The following RASSF9 variants were observed in gnomAD, a reference collection of about 807,000 sequenced individuals.
The protein encoded by RASSF9 is Ras association domain family member 9, also known as ras association domain-containing protein 9.
RASSF9 carries 18 observed loss-of-function variants against 21.4 expected under a neutral mutation model. That is an observed-to-expected ratio of 0.84 (90% CI 0.58 to 1.25). The LOEUF (loss-of-function observed/expected upper bound fraction) is 1.25. RASSF9 is among the 50% of genes most tolerant of loss of function. RASSF9 has a pLI of 0.00. For missense variants in RASSF9, 480 were observed against 503.2 expected (o/e 0.95, Z 0.44); for synonymous variants, 183 against 179.1 (o/e 1.02, Z -0.18).
At chr12:85,822,903 C>T (rs1880246325) in intron 1 of RASSF9, among the ~76,000 whole-genome samples, 1 of 152,092 alleles carries the variant, frequency 6.6e-6, no homozygotes, top group Non-Finnish European at 1.5e-5. Flanking sequence ...CAGCCCACCA[C>T]AAAATGTCTA....
intron 1 of RASSF9, among the ~76,000 whole-genome samples, chr12:85,809,610 G>C (rs1212466945): frequency 6.6e-6 from 1 of 151,766 alleles, no homozygotes; most frequent in Non-Finnish European, 1.5e-5. Context: ...CTACACTAGA[G>C]CTCTGAAGGA....
intron 1 of RASSF9, among the ~76,000 whole-genome samples, chr12:85,817,079 T>A (rs61930068): frequency 6.6e-6 from 1 of 152,178 alleles, no homozygotes; most frequent in African/African-American, 2.4e-5. Context: ...TAGAAATTCA[T>A]ACTGCTTTGA....
rs73381598 is a variant in RASSF9 at position 85,816,936 on chromosome 12, C to G, written c.48-10974G>C. ...TTCATATTAAAAACATGCCAGCAAA[C>G]AAAACTTGGAGATAGAATAACTCAA... On this transcript the variant is annotated intron_variant, in intron 1 of 1. Coordinates refer to ENST00000361228, the MANE Select transcript of RASSF9 (RefSeq NM_005447.4). Among the ~76,000 whole-genome samples the G allele has an allele frequency of 1.3e-3, 192 of 152,032 alleles. 1 individual carries two copies. Among genetic ancestry groups the G allele is most frequent in the African/African-American group, 4.5e-3 (187 of 41,474 alleles).
intron 1 of RASSF9, among the ~76,000 whole-genome samples, chr12:85,833,595 A>T (rs1036757381): frequency 6.6e-6 from 1 of 151,986 alleles, no homozygotes; most frequent in Non-Finnish European, 1.5e-5. Context: ...AAATGAAAAG[A>T]GAGGCAGAGA....
At chr12:85,811,663 G>C (rs1249412147) in intron 1 of RASSF9, among the ~76,000 whole-genome samples, 2 of 151,808 alleles carry the variant, frequency 1.3e-5, no homozygotes, top group African/African-American at 2.4e-5. Context: ...TCATAAGCCA[G>C]AATTCAATCG....
intron 1 of RASSF9, among the ~76,000 whole-genome samples, chr12:85,826,541 G>A (rs1281696162): frequency 2.1e-5 from 3 of 145,382 alleles, no homozygotes; most frequent in Admixed American, 2.0e-4. Context: ...TCCGCCTCCC[G>A]GGTTCACGCC....
chr12:85,832,002 C>A (rs1360737307), intron 1 of RASSF9, among the ~76,000 whole-genome samples: 1 of 151,790 alleles, frequency 6.6e-6, no homozygotes, highest in East Asian at 1.9e-4. Context: ...TCAGGACAAG[C>A]AAATTTTTTG....
At chr12:85,829,943 C>A (rs1880413158) in intron 1 of RASSF9, among the ~76,000 whole-genome samples, 1 of 152,078 alleles carries the variant, frequency 6.6e-6, no homozygotes, top group African/African-American at 2.4e-5. Flanking sequence ...ATAATGTTTT[C>A]TCAATTAGGA....
chr12:85,810,925 G>T (rs200783562), intron 1 of RASSF9, among the ~76,000 whole-genome samples: 3 of 145,458 alleles, frequency 2.1e-5, no homozygotes, highest in Non-Finnish European at 4.6e-5. Flanking sequence ...TTTACTTTGT[G>T]TGTGTGTGTT....
chr12:85,805,011 G>C lies in RASSF9; in HGVS notation c.999C>G (p.His333Gln). The C allele has an allele frequency of 1.2e-6, 2 of 1,613,916 alleles. No homozygotes were observed. Among genetic ancestry groups the C allele is most frequent in the Non-Finnish European group, 1.7e-6 (2 of 1,179,828 alleles). The part of the protein sequence containing the change: ...EKSMKAGLKI[H>Q]SHLSGIQKEI... ...CTTTCTGGATGCCACTCAAATGAGAGTGAATTTTCAAACCAGCTTTCATGC... is the reference window on the plus strand; with the variant it reads ...CTTTCTGGATGCCACTCAAATGAGACTGAATTTTCAAACCAGCTTTCATGC... Residue 333 changes from histidine (H) to glutamine (Q), a missense_variant, in exon 2 of 2, where the codon CAC becomes CAG. Physicochemically the swap from His to Gln is conservative, Grantham distance 24 (BLOSUM62 0). Coordinates refer to ENST00000361228, the MANE Select transcript of RASSF9 (RefSeq NM_005447.4).
chr12:85,826,486 C>T (rs1430712514), intron 1 of RASSF9, among the ~76,000 whole-genome samples: 1 of 145,664 alleles, frequency 6.9e-6, no homozygotes, highest in Non-Finnish European at 1.5e-5. Context: ...CTCGCTCTGT[C>T]GCCCAGGCTA....
intron 1 of RASSF9, among the ~76,000 whole-genome samples, chr12:85,826,732 C>A (rs969865239): frequency 6.6e-6 from 1 of 151,934 alleles, no homozygotes; most frequent in Non-Finnish European, 1.5e-5. Context: ...CATGAGCCAC[C>A]GCGCCTGGCC....
At chr12:85,815,774 A>C (rs1220860673) in intron 1 of RASSF9, among the ~76,000 whole-genome samples, 1 of 151,910 alleles carries the variant, frequency 6.6e-6, no homozygotes, top group Non-Finnish European at 1.5e-5. Context: ...TCATTGGCCC[A>C]CTTTTTTATG....
intron 1 of RASSF9, among the ~76,000 whole-genome samples, chr12:85,809,021 T>C (rs1879893740): frequency 2.0e-5 from 3 of 152,072 alleles, no homozygotes; most frequent in South Asian, 4.1e-4. Context: ...ACTGTTCGAA[T>C]CTCTTGCATG....
chr12:85,836,293 G>A lies in RASSF9; in HGVS notation c.-92C>T. ...GGATTTCCAGGGTGAAGGGAGGAGG[G>A]CTGGAAGCTTTCTCTTCTCCTCGGA... On this transcript the variant is annotated 5_prime_UTR_variant, in exon 1 of 2. Coordinates refer to ENST00000361228, the MANE Select transcript of RASSF9 (RefSeq NM_005447.4). 1 of 1,462,574 alleles carries A rather than the reference G, an allele frequency of 6.8e-7. No homozygotes were observed. The highest frequency in any genetic ancestry group is 9.3e-7 in the Non-Finnish European group (1 of 1,071,778). The allele number at this position is 1,462,574 out of a possible 1,614,324, so 90.6% of individuals were successfully genotyped here. A position where few individuals can be genotyped will look rare whatever the true frequency, so the allele number is the denominator to read the frequency against.
At chr12:85,821,664 T>G (rs1293383078) in intron 1 of RASSF9, among the ~76,000 whole-genome samples, 2 of 152,034 alleles carry the variant, frequency 1.3e-5, no homozygotes. Flanking sequence ...TATACGAGTG[T>G]GTGTGTGTGT....
At chr12:85,833,717 T>C (rs529635702) in intron 1 of RASSF9, among the ~76,000 whole-genome samples, 1 of 152,138 alleles carries the variant, frequency 6.6e-6, no homozygotes, top group African/African-American at 2.4e-5. Flanking sequence ...GATGCAATTA[T>C]GCTCAAGTAG....
rs768095925 is a variant in RASSF9 at position 85,802,748 on chromosome 12, T to A, written c.*1954A>T. 1 of 152,168 alleles carries A rather than the reference T, an allele frequency of 6.6e-6. No homozygotes were observed. Among genetic ancestry groups the A allele is most frequent in the African/African-American group, 2.4e-5 (1 of 41,448 alleles). 9.4% of individuals were successfully genotyped at this position (152,168 alleles called of 1,614,324 possible). ...GTAGGAAAATGATACAATGGGTTTATCATTTACGATGATCTTCTGAATTTG... is the reference window on the plus strand; with the variant it reads ...GTAGGAAAATGATACAATGGGTTTAACATTTACGATGATCTTCTGAATTTG... On this transcript the variant is annotated 3_prime_UTR_variant, in exon 2 of 2. Coordinates refer to ENST00000361228, the MANE Select transcript of RASSF9 (RefSeq NM_005447.4).
At chr12:85,809,400 A>T (rs1879903096) in intron 1 of RASSF9, among the ~76,000 whole-genome samples, 1 of 152,014 alleles carries the variant, frequency 6.6e-6, no homozygotes, top group Non-Finnish European at 1.5e-5. Flanking sequence ...CCATAAAGAA[A>T]TGTGTGCAGA....
Sources: allele counts gnomAD v4.1 joint callset (sites outside exome capture counted in the v4.1 genomes callset), GRCh38; gene constraint gnomAD v4.1.1; transcripts MANE v1.5; gene names NCBI Gene and HGNC (gene_info 2026-07-23, HGNC 2026-07-21).